IL12RB1: variants seen among roughly 807,000 people sequenced by gnomAD.
IL12RB1 encodes the protein interleukin-12 receptor subunit beta-1.
Under a neutral mutation model 94.4 loss-of-function variants are expected in IL12RB1, and 64 were observed. The observed-to-expected ratio is 0.68, with a 90% CI of 0.55 to 0.83. IL12RB1 has a LOEUF of 0.83. IL12RB1 is among the 40% of genes least tolerant of loss of function. The pLI is 0.00. For synonymous variants in IL12RB1, 362 were observed against 355.5 expected (o/e 1.02, Z -0.21); for missense variants, 814 against 855.6 (o/e 0.95, Z 0.61).
chr19:18,078,897 G>A (rs912634672), intron 4 of IL12RB1, among the ~76,000 whole-genome samples: 1 of 151,948 alleles, frequency 6.6e-6, no homozygotes, highest in African/African-American at 2.4e-5. Flanking sequence ...GATTACTACA[G>A]TAAGGAATTT....
chr19:18,064,071 G>T, intron 12 of IL12RB1, 61 bp from the exon 13 acceptor site: 4 of 1,225,434 alleles, frequency 3.3e-6, no homozygotes, highest in African/African-American at 1.5e-5. Context: ...GGCCAGGCTG[G>T]GCTACCACAG....
intron 5 of IL12RB1, 126 bp downstream of exon 5, chr19:18,077,390 C>G (rs898795898): frequency 3.6e-5 from 27 of 742,560 alleles, no homozygotes; most frequent in Admixed American, 2.9e-4. Context: ...AGAAAAAAAC[C>G]ACCTCAGGGG....
chr19:18,086,680 C>T, intron 1 of IL12RB1, 80 bp downstream of exon 1: 1 of 1,422,448 alleles, frequency 7.0e-7, no homozygotes, highest in Non-Finnish European at 9.6e-7. Flanking sequence ...CCAACCCACA[C>T]AGCAGGCCCA....
At chr19:18,089,470 C>T (rs1008671637), upstream of IL12RB1, among the ~76,000 whole-genome samples, 7 of 151,760 alleles carry the variant, frequency 4.6e-5, no homozygotes, top group African/African-American at 1.7e-4. Context: ...ACTAAAAATA[C>T]AAAAATTAGC....
intron 7 of IL12RB1, among the ~76,000 whole-genome samples, chr19:18,075,432 C>T (rs532299127): frequency 2.0e-5 from 3 of 150,848 alleles, no homozygotes; most frequent in East Asian, 2.0e-4. Context: ...AGCTAATTTT[C>T]GTATTTTTAG....
At chr19:18,064,128 C>CTCTT (rs1246838800) in intron 12 of IL12RB1, 118 bp from the exon 13 acceptor site, 7 of 500,514 alleles carry the variant, frequency 1.4e-5, no homozygotes, top group Admixed American at 6.5e-5. Context: ...AAAATCTCTA[C>CTCTT]TCTTTCTTTC....
chr19:18,079,854 G>T (rs868607552), intron 4 of IL12RB1, among the ~76,000 whole-genome samples: 8 of 151,628 alleles, frequency 5.3e-5, no homozygotes, highest in Middle Eastern at 3.2e-3. Flanking sequence ...CCGAGATCGC[G>T]CCACTGCACT....
At chr19:18,082,097 A>G (rs1020782609) in intron 3 of IL12RB1, 53 bp downstream of exon 3, 4 of 1,141,776 alleles carry the variant, frequency 3.5e-6, no homozygotes, top group Non-Finnish European at 5.3e-6. Flanking sequence ...GAGGGGGTTG[A>G]AGCAAGAGTG....
intron 12 of IL12RB1, among the ~76,000 whole-genome samples, chr19:18,066,111 GT>G (rs2034563094): frequency 6.7e-6 from 1 of 149,632 alleles, no homozygotes; most frequent in Admixed American, 6.7e-5. Flanking sequence ...GTTTGTTTTC[GT>G]TTTTGTTTTT....
At chr19:18,087,370 G>A (rs1051614816), upstream of IL12RB1, among the ~76,000 whole-genome samples, 7 of 151,580 alleles carry the variant, frequency 4.6e-5, no homozygotes, top group Non-Finnish European at 7.4e-5. Flanking sequence ...CCACAACATC[G>A]AGCTAATTTT....
chr19:18,082,383 G>A (rs577659690), intron 2 of IL12RB1, 119 bp from the exon 3 acceptor site: 141 of 704,244 alleles, frequency 2.0e-4, no homozygotes, highest in Non-Finnish European at 3.4e-4. Flanking sequence ...CCCTCCCCGC[G>A]TCCTTCCTAC....
chr19:18,061,176 C>G lies in IL12RB1; in HGVS notation c.1737G>C (p.Pro579=). 4 of 1,593,326 alleles carry G rather than the reference C, an allele frequency of 2.5e-6. No homozygotes were observed. Among genetic ancestry groups the G allele is most frequent in the Non-Finnish European group, 2.6e-6 (3 of 1,167,992 alleles). Residue 579 remains proline (P), a synonymous_variant, in exon 15 of 17, where the codon CCG becomes CCC. Coordinates refer to ENST00000593993, the MANE Select transcript of IL12RB1 (RefSeq NM_005535.3). Reference sequence around the variant, plus strand: ...AGCTGGCACAGGGTGTGGGCAGCGGCGGGCACAGGTGCCGTGCGGCCCTGG... The same window carrying G: ...AGCTGGCACAGGGTGTGGGCAGCGGGGGGCACAGGTGCCGTGCGGCCCTGG... ...GLNRAARHLC[P]PLPTPCASSA...
At chr19:18,097,375 G>C (rs2037036712) in intron 1 of IL12RB1, among the ~76,000 whole-genome samples, 1 of 151,206 alleles carries the variant, frequency 6.6e-6, no homozygotes, top group Non-Finnish European at 1.5e-5. Context: ...GGTTTTTTTT[G>C]TTTAGTAGAG....
Position 18,060,097 on chromosome 19 carries a change from G to C in IL12RB1, c.1792-12C>G. 6.6e-7 allele frequency: 1 copy of C among 1,521,776 alleles called. No individual in the cohort carries two copies. Among genetic ancestry groups the C allele is most frequent in the Non-Finnish European group, 9.1e-7 (1 of 1,099,202 alleles). 94.3% of individuals were successfully genotyped at this position (1,521,776 alleles called of 1,614,324 possible). On this transcript the variant is annotated splice_polypyrimidine_tract_variant and intron_variant, in intron 15 of 16. Transcript: ENST00000593993. ...ATCCACTGCCAAGTCTGCAGAGGGA[G>C]GGTAGGGCCACAGCTGTGAGCAGAG...
chr19:18,059,605 C>A lies in IL12RB1; in HGVS notation c.*3G>T. On this transcript the variant is annotated 3_prime_UTR_variant, in exon 17 of 17. Transcript: ENST00000593993. ...GTCACTCACCCTCTCTGAGCCTCAA[C>A]GATCACATCTGTAAAGTACAACAGT... is the stretch of plus-strand genomic sequence containing the variant. 1 of 780,536 alleles carries A rather than the reference C, an allele frequency of 1.3e-6. No individual in the cohort carries two copies. The highest frequency in any genetic ancestry group is 1.3e-5 in the South Asian group (1 of 74,544). The allele number at this position is 780,536 out of a possible 1,614,324, so 48.4% of individuals were successfully genotyped here.
chr19:18,094,632 G>C (rs781707979), intron 1 of IL12RB1, among the ~76,000 whole-genome samples: 2 of 152,162 alleles, frequency 1.3e-5, no homozygotes, highest in African/African-American at 2.4e-5. Context: ...GGGAAGCCAA[G>C]GCAGGAGGAT....
In IL12RB1 at chr19:18,063,978, T is replaced by G. The variant is rs1188735324; in HGVS notation, c.1516A>C (p.Thr506Pro). 2 of 1,611,622 alleles carry G rather than the reference T, an allele frequency of 1.2e-6. No homozygotes were observed. The highest frequency in any genetic ancestry group is 2.7e-5 in the African/African-American group (2 of 74,736). The change falls in exon 13 of 17, where the codon ACC (threonine) becomes CCC (proline). Residue 506 changes from threonine to proline, a missense_variant. Thr to Pro is a conservative substitution (Grantham distance 38). Transcript: ENST00000593993. ...HPVQPTETQVTLSGLRAGVAY... is the reference protein window; with the variant it reads ...HPVQPTETQVPLSGLRAGVAY... ...ACACCAGCCCGCAGGCCACTGAGGG[T>G]AACTTGGGTCTCTGTGGGCTGCACG...
chr19:18,074,545 C>T (rs1442110719), intron 7 of IL12RB1, among the ~76,000 whole-genome samples: 2 of 152,014 alleles, frequency 1.3e-5, no homozygotes, highest in African/African-American at 2.4e-5. Context: ...GCCAGGAGTT[C>T]GAGACCAGCC....
chr19:18,064,380 C>A (rs2034415534), intron 12 of IL12RB1, among the ~76,000 whole-genome samples: 1 of 151,794 alleles, frequency 6.6e-6, no homozygotes, highest in Non-Finnish European at 1.5e-5. Flanking sequence ...ACCTCGTGAT[C>A]TGCCCACCTC....
Sources: gnomAD v4.1 joint callset for allele counts (sites outside exome capture counted in the v4.1 genomes callset) on GRCh38, gnomAD v4.1.1 for gene constraint, MANE v1.5 for transcripts, NCBI Gene and HGNC (gene_info 2026-07-23, HGNC 2026-07-21) for gene names.